The following PDLIM5 variants were observed in gnomAD, a reference collection of about 807,000 sequenced individuals.
The protein encoded by PDLIM5 is PDZ and LIM domain 5.
In PDLIM5, 34 loss-of-function variants were observed where a neutral mutation model predicts 64.2. The observed-to-expected ratio is 0.53, with a 90% CI of 0.40 to 0.71. The LOEUF (loss-of-function observed/expected upper bound fraction) is 0.71, where lower values mean the gene tolerates loss of function less well. PDLIM5 is among the 30% of genes least tolerant of loss of function. PDLIM5 has a pLI of 0.00. For missense variants in PDLIM5, 683 were observed against 733.6 expected (o/e 0.93, Z 0.80); for synonymous variants, 253 against 269.1 (o/e 0.94, Z 0.59).
chr4:94,516,270 C>T (rs1180835225), intron 2 of PDLIM5, among the ~76,000 whole-genome samples: 1 of 152,092 alleles, frequency 6.6e-6, no homozygotes, highest in Non-Finnish European at 1.5e-5. Context: ...GAGGATGACA[C>T]GTACTTTGAG....
intron 2 of PDLIM5, chr4:94,457,037 T>G: frequency 1.1e-6 from 1 of 941,028 alleles, no homozygotes; most frequent in East Asian, 1.2e-4. Context: ...TTTAGAAGAT[T>G]GTCATTTTGG....
At chr4:94,507,768 C>T (rs1312544934) in intron 2 of PDLIM5, among the ~76,000 whole-genome samples, 3 of 152,152 alleles carry the variant, frequency 2.0e-5, no homozygotes, top group Non-Finnish European at 4.4e-5. Context: ...TATTTGAGTG[C>T]TTCTGGGCTG....
chr4:94,662,028 C>A (rs543857077), intron 11 of PDLIM5, among the ~76,000 whole-genome samples: 1 of 152,184 alleles, frequency 6.6e-6, no homozygotes, highest in South Asian at 2.1e-4. Context: ...ACCACTTTGG[C>A]CAGGATGGTC....
chr4:94,470,923 A>G (rs530667977), intron 2 of PDLIM5, among the ~76,000 whole-genome samples: 2 of 152,296 alleles, frequency 1.3e-5, no homozygotes, highest in East Asian at 3.9e-4. Context: ...GAGGCCTCAT[A>G]ATCATGGTGG....
intron 3 of PDLIM5, among the ~76,000 whole-genome samples, chr4:94,549,258 G>GAACCAT (rs1732590601): frequency 6.6e-6 from 1 of 152,156 alleles, no homozygotes; most frequent in Non-Finnish European, 1.5e-5. Flanking sequence ...GGAGTACAGG[G>GAACCAT]TTAGTTGCTA....
chr4:94,612,775 C>T (rs897159847), intron 7 of PDLIM5, among the ~76,000 whole-genome samples: 1 of 151,734 alleles, frequency 6.6e-6, no homozygotes, highest in African/African-American at 2.4e-5. Flanking sequence ...CCCAAAAGAC[C>T]AGATATATTT....
chr4:94,594,144 C>A (rs1736881204), intron 7 of PDLIM5, among the ~76,000 whole-genome samples: 1 of 152,144 alleles, frequency 6.6e-6, no homozygotes, highest in Non-Finnish European at 1.5e-5. Flanking sequence ...TGAAACCATA[C>A]CTAAGTCACT....
intron 3 of PDLIM5, among the ~76,000 whole-genome samples, chr4:94,565,432 G>A (rs1734235041): frequency 1.3e-5 from 2 of 152,178 alleles, no homozygotes; most frequent in South Asian, 4.2e-4. Flanking sequence ...CCTGTATCAT[G>A]GGGCACACAT....
chr4:94,606,538 A>T (rs760087922), intron 7 of PDLIM5, among the ~76,000 whole-genome samples: 1 of 152,220 alleles, frequency 6.6e-6, no homozygotes, highest in Admixed American at 6.5e-5. Context: ...GGCCCAGTGG[A>T]CTGGAGCAAG....
At chr4:94,643,904 T>G (rs767290266) in intron 9 of PDLIM5, among the ~76,000 whole-genome samples, 3 of 152,202 alleles carry the variant, frequency 2.0e-5, no homozygotes, top group Non-Finnish European at 4.4e-5. Context: ...CCCCTTTATT[T>G]ATAGGTTTTA....
rs150441626 is a variant in PDLIM5 at position 94,660,742 on chromosome 4, A to G, written c.1586-1680A>G. Among the ~76,000 whole-genome samples the G allele has an allele frequency of 3.1e-3, 470 of 152,254 alleles. 4 individuals carry two copies. The highest frequency in any genetic ancestry group is 0.011 in the African/African-American group (444 of 41,554). On this transcript the variant is annotated intron_variant, in intron 11 of 12. Transcript: ENST00000317968. ...ACTAAAGATTGACAATTGCCAAGTA[A>G]GGTTAATCGAGTTGCAAATTATAGC...
At chr4:94,471,328 T>G (rs781143114) in intron 2 of PDLIM5, among the ~76,000 whole-genome samples, 2 of 152,098 alleles carry the variant, frequency 1.3e-5, no homozygotes, top group African/African-American at 2.4e-5. Context: ...ACTTGAGAGA[T>G]AGTTTCGTAA....
At chr4:94,500,138 T>C (rs1363905663) in intron 2 of PDLIM5, among the ~76,000 whole-genome samples, 1 of 152,206 alleles carries the variant, frequency 6.6e-6, no homozygotes, top group African/African-American at 2.4e-5. Context: ...TGTATTTCCT[T>C]TCATTAGACA....
At chr4:94,473,578 T>C (rs1725066670) in intron 2 of PDLIM5, among the ~76,000 whole-genome samples, 1 of 152,214 alleles carries the variant, frequency 6.6e-6, no homozygotes, top group South Asian at 2.1e-4. Context: ...TTTAGAGAGC[T>C]GAAGGTAGAT....
intron 8 of PDLIM5, among the ~76,000 whole-genome samples, chr4:94,619,673 T>C (rs952254404): frequency 1.3e-5 from 2 of 152,002 alleles, no homozygotes; most frequent in Non-Finnish European, 2.9e-5. Flanking sequence ...CTCACTCTGT[T>C]GCCCAGTCTC....
intron 7 of PDLIM5, among the ~76,000 whole-genome samples, chr4:94,614,469 G>GA (rs755753344): frequency 3.9e-4 from 59 of 152,124 alleles, no homozygotes; most frequent in Non-Finnish European, 8.4e-4. Context: ...TAAAATTAGG[G>GA]AAAAAATGTT....
intron 2 of PDLIM5, among the ~76,000 whole-genome samples, chr4:94,474,889 CT>C: frequency 6.6e-6 from 1 of 152,246 alleles, no homozygotes; most frequent in African/African-American, 2.4e-5. Context: ...TGCACTCAGG[CT>C]GTTCTCCTGC....
At position 94,654,537 on chromosome 4, in the gene PDLIM5, C is replaced by T; in HGVS notation, c.1361C>T (p.Ala454Val). ...FNCAHCKNTM[A>V]YIGFVEEKGA... ...TGCGCTCACTGCAAAAATACAATGG[C>T]CTACATTGGATTTGTAGAGGAGAAA... Residue 454 changes from alanine to valine, a missense_variant, in exon 10 of 13, where the codon GCC becomes GTC. By Grantham distance (64) the Ala-to-Val change is moderately conservative. Transcript: ENST00000317968. 2 of 1,608,738 alleles carry T rather than the reference C, an allele frequency of 1.2e-6. No homozygotes were observed. The highest frequency in any genetic ancestry group is 4.5e-5 in the East Asian group (2 of 44,826).
chr4:94,664,057 T>C lies in PDLIM5; in HGVS notation c.1781T>C (p.Val594Ala), dbSNP rs773232733. 1.4e-5 allele frequency: 23 copies of C among 1,600,780 alleles called. No homozygotes were observed. The highest frequency in any genetic ancestry group is 8.5e-7 in the Non-Finnish European group (1 of 1,172,084). Residue 594 changes from valine to alanine, a missense_variant, in exon 13 of 13, where the codon GTG (valine) becomes GCG (alanine). Val to Ala is a moderately conservative substitution (Grantham distance 64). Coordinates refer to ENST00000317968, the MANE Select transcript of PDLIM5 (RefSeq NM_006457.5). Reference sequence around the variant, plus strand: ...CTGTGTAAGAAACATGCTCATTCTGTGAATTTTTGAAAGTCAACAGTTCAG... The same window carrying C: ...CTGTGTAAGAAACATGCTCATTCTGCGAATTTTTGAAAGTCAACAGTTCAG... ...KPLCKKHAHS[V>A]NF
Sources: gnomAD v4.1 joint callset for allele counts (sites outside exome capture counted in the v4.1 genomes callset) on GRCh38, gnomAD v4.1.1 for gene constraint, MANE v1.5 for transcripts, NCBI Gene and HGNC (gene_info 2026-07-23, HGNC 2026-07-21) for gene names.